Variants in ABTB3 observed in about 807,000 individuals in gnomAD.
The protein encoded by ABTB3 is ankyrin repeat and BTB domain containing 3, also known as ankyrin repeat- and BTB/POZ domain-containing protein 3.
the ABTB3 span, among the ~76,000 whole-genome samples, chr12:107,591,944 C>A: frequency 2.6e-5 from 4 of 152,198 alleles, no homozygotes; most frequent in Non-Finnish European, 5.9e-5. Flanking sequence ...TGTCTTACTC[C>A]AAAGCCTACG....
chr12:107,472,693 C>G, the ABTB3 span, among the ~76,000 whole-genome samples: 2 of 152,168 alleles, frequency 1.3e-5, no homozygotes, highest in Non-Finnish European at 2.9e-5. Context: ...CAGCACCGCG[C>G]CAAGTGGGAA....
the ABTB3 span, among the ~76,000 whole-genome samples, chr12:107,589,891 G>A: frequency 6.6e-6 from 1 of 152,194 alleles, no homozygotes; most frequent in East Asian, 1.9e-4. Flanking sequence ...TAAGTGAACA[G>A]ACTGAGACTT....
chr12:107,323,516 GTGTTGATTTTCAGCTGTTTTGAAGAGC>G, the ABTB3 span, among the ~76,000 whole-genome samples: 1 of 152,226 alleles, frequency 6.6e-6, no homozygotes, highest in African/African-American at 2.4e-5. Flanking sequence ...CTGGAGTTTT[GTGTTGATTTTCAGCTGTTTTGAAGAGC>G]CGGGGAAACA....
chr12:107,344,117 G>T, the ABTB3 span, among the ~76,000 whole-genome samples: 1 of 152,170 alleles, frequency 6.6e-6, no homozygotes, highest in Non-Finnish European at 1.5e-5. Flanking sequence ...GGCTGCTACA[G>T]CTTCAGTCAT....
the ABTB3 span, among the ~76,000 whole-genome samples, chr12:107,637,786 TTGTGTGTGTGTGTGTGTG>T: frequency 0.019 from 2,682 of 144,738 alleles, 51 homozygotes; most frequent in South Asian, 0.058. Context: ...AGCACTGATT[TTGTGTGTGTGTGTGTGTG>T]TGTGTGTGTG....
At chr12:107,520,751 G>T in the ABTB3 span, 99 of 1,351,262 alleles carry the variant, frequency 7.3e-5, no homozygotes, top group African/African-American at 1.3e-3. Context: ...AATCAGCGGG[G>T]TGACACCTTT....
At chr12:107,565,610 A>G in the ABTB3 span, among the ~76,000 whole-genome samples, 1 of 151,428 alleles carries the variant, frequency 6.6e-6, no homozygotes, top group East Asian at 1.9e-4. Flanking sequence ...GCACCCCTCC[A>G]TCTCCTGACC....
At chr12:107,619,065 C>G in the ABTB3 span, among the ~76,000 whole-genome samples, 1 of 152,302 alleles carries the variant, frequency 6.6e-6, no homozygotes, top group Non-Finnish European at 1.5e-5. Flanking sequence ...CCATGGGTCC[C>G]TAAACACAGG....
chr12:107,440,097 C>T, the ABTB3 span, among the ~76,000 whole-genome samples: 2 of 152,232 alleles, frequency 1.3e-5, no homozygotes, highest in African/African-American at 2.4e-5. Context: ...CCCGCCGCTC[C>T]TTACAATCCA....
the ABTB3 span, among the ~76,000 whole-genome samples, chr12:107,373,895 A>G: frequency 6.6e-6 from 1 of 152,236 alleles, no homozygotes; most frequent in African/African-American, 2.4e-5. Context: ...ACAGCCCAGC[A>G]AATAAAATCA....
chr12:107,657,915 T>C, the ABTB3 span: 1 of 615,226 alleles, frequency 1.6e-6, no homozygotes, highest in Non-Finnish European at 2.8e-6. Context: ...GGGTCCAGAG[T>C]TTAATGGGCA....
At chr12:107,409,758 T>C in the ABTB3 span, among the ~76,000 whole-genome samples, 18 of 152,308 alleles carry the variant, frequency 1.2e-4, no homozygotes, top group African/African-American at 3.8e-4. Flanking sequence ...CAGGACTTAA[T>C]ACCTAGGTGA....
chr12:107,465,982 G>C, the ABTB3 span, among the ~76,000 whole-genome samples: 2 of 152,204 alleles, frequency 1.3e-5, no homozygotes, highest in Non-Finnish European at 2.9e-5. Context: ...CATCGTGCTA[G>C]AGGCTGAGGA....
chr12:107,620,309 C>G, the ABTB3 span: 1 of 1,065,836 alleles, frequency 9.4e-7, no homozygotes, highest in Non-Finnish European at 1.3e-6. Flanking sequence ...GCCCAGCAGA[C>G]GAAAGCTACC....
chr12:107,385,670 C>T, the ABTB3 span, among the ~76,000 whole-genome samples: 7 of 152,152 alleles, frequency 4.6e-5, no homozygotes, highest in Admixed American at 1.3e-4. Flanking sequence ...TAGGTCCTTG[C>T]CCAGGCCCCC....
chr12:107,465,096 C>T, the ABTB3 span, among the ~76,000 whole-genome samples: 1 of 152,066 alleles, frequency 6.6e-6, no homozygotes, highest in Non-Finnish European at 1.5e-5. Context: ...CCATGGAGGG[C>T]CTTGGGTGCC....
chr12:107,462,918 C>T, the ABTB3 span, among the ~76,000 whole-genome samples: 5 of 148,330 alleles, frequency 3.4e-5, no homozygotes, highest in African/African-American at 5.0e-5. Context: ...GGTGTAGTGA[C>T]GGTGATGATG....
At chr12:107,493,192 A>G in the ABTB3 span, among the ~76,000 whole-genome samples, 12 of 152,276 alleles carry the variant, frequency 7.9e-5, no homozygotes, top group South Asian at 2.5e-3. Flanking sequence ...CTCCCCACTC[A>G]GGGTCCTTGC....
the ABTB3 span, among the ~76,000 whole-genome samples, chr12:107,553,548 T>C: frequency 2.6e-5 from 4 of 152,232 alleles, no homozygotes; most frequent in Non-Finnish European, 4.4e-5. Flanking sequence ...GAGTGAGACC[T>C]TGTCCAGAAG....
Sources: allele counts gnomAD v4.1 joint callset (sites outside exome capture counted in the v4.1 genomes callset), GRCh38; gene constraint gnomAD v4.1.1; transcripts MANE v1.5; gene names NCBI Gene and HGNC (gene_info 2026-07-23, HGNC 2026-07-21).